Variants in CNBD1 observed in about 807,000 individuals in gnomAD.
CNBD1 encodes cyclic nucleotide-binding domain-containing protein 1.
In CNBD1, 71 loss-of-function variants were observed where a neutral mutation model predicts 54.4. The observed-to-expected ratio is 1.30, with a 90% confidence interval of 1.08 to 1.59. The LOEUF (loss-of-function observed/expected upper bound fraction) is 1.59. CNBD1 is among the 40% of genes most tolerant of loss of function. The pLI, the probability that CNBD1 is intolerant of heterozygous loss-of-function variation, is 0.00. For missense variants in CNBD1, 659 were observed against 518.0 expected (o/e 1.27, Z -2.64); for synonymous variants, 182 against 170.7 (o/e 1.07, Z -0.51).
intron 4 of CNBD1, among the ~76,000 whole-genome samples, chr8:86,990,763 T>C (rs1808726675): frequency 6.6e-6 from 1 of 152,208 alleles, no homozygotes; most frequent in Non-Finnish European, 1.5e-5. Flanking sequence ...TCACATTGAA[T>C]CTATAGATTG....
At chr8:86,952,557 A>T (rs184698171) in intron 4 of CNBD1, among the ~76,000 whole-genome samples, 9 of 152,136 alleles carry the variant, frequency 5.9e-5, no homozygotes, top group African/African-American at 1.9e-4. Flanking sequence ...AACAAATATC[A>T]AATGAAAAAG....
At chr8:87,367,135 C>T (rs1683806319) in intron 10 of CNBD1, among the ~76,000 whole-genome samples, 1 of 152,036 alleles carries the variant, frequency 6.6e-6, no homozygotes, top group Non-Finnish European at 1.5e-5. Flanking sequence ...ATGTGGCCTA[C>T]ATAGGAAAGT....
chr8:87,345,447 A>G (rs1810152924), intron 8 of CNBD1, among the ~76,000 whole-genome samples: 1 of 152,230 alleles, frequency 6.6e-6, no homozygotes, highest in South Asian at 2.1e-4. Context: ...AAGTCCCCCA[A>G]GTATCAGTCA....
chr8:87,328,612 T>C (rs1413261993), intron 8 of CNBD1, among the ~76,000 whole-genome samples: 1 of 152,036 alleles, frequency 6.6e-6, no homozygotes, highest in Non-Finnish European at 1.5e-5. Flanking sequence ...CATATCAATT[T>C]TAGGATTATT....
At position 87,357,420 on chromosome 8, in the gene CNBD1, G is replaced by A. The variant is rs180700712; in HGVS notation, c.1303+3634G>A. Among the ~76,000 whole-genome samples the A allele has an allele frequency of 1.1e-3, 174 of 152,266 alleles. 1 individual carries two copies. The highest frequency in any genetic ancestry group is 3.5e-4 in the Non-Finnish European group (24 of 68,004). On this transcript the variant is annotated intron_variant, in intron 10 of 10. Transcript: ENST00000518476. The stretch of plus-strand genomic sequence containing the variant: ...AAGGGTGGAGCTGCCCAAGGCCTTG[G>A]GAACCCATCCCTTGCACCAGTGTAC...
chr8:87,304,907 A>G (rs1325726012), intron 8 of CNBD1, among the ~76,000 whole-genome samples: 1 of 152,032 alleles, frequency 6.6e-6, no homozygotes, highest in Non-Finnish European at 1.5e-5. Flanking sequence ...GGAAATCCTT[A>G]TCAGAGCAAT....
chr8:87,067,983 T>C (rs949544544), intron 4 of CNBD1, among the ~76,000 whole-genome samples: 2 of 152,048 alleles, frequency 1.3e-5, no homozygotes, highest in African/African-American at 2.4e-5. Context: ...AAATAACTTA[T>C]ATTCTAAAAA....
chr8:87,388,508 G>A (rs1811238525), intron 2 of CNBD1, among the ~76,000 whole-genome samples: 1 of 152,126 alleles, frequency 6.6e-6, no homozygotes, highest in South Asian at 2.1e-4. Flanking sequence ...TAGAAGAAAT[G>A]GATAAATTCC....
intron 4 of CNBD1, among the ~76,000 whole-genome samples, chr8:86,944,035 A>T (rs150774674): frequency 1.1e-3 from 164 of 152,198 alleles, no homozygotes; most frequent in African/African-American, 3.7e-3. Context: ...TTTTATACCC[A>T]CCCTTGAATA....
intron 4 of CNBD1, among the ~76,000 whole-genome samples, chr8:87,038,917 C>G (rs1328984143): frequency 6.6e-6 from 1 of 152,126 alleles, no homozygotes. Context: ...TCAGTGATAC[C>G]CATTGCTGCC....
chr8:87,420,799 G>T (rs556404238), intron 2 of CNBD1, among the ~76,000 whole-genome samples: 2 of 150,018 alleles, frequency 1.3e-5, no homozygotes, highest in Middle Eastern at 6.8e-3. Context: ...ACAGTCGTTG[G>T]TATATTTATT....
chr8:86,964,429 C>A (rs1444473174), intron 4 of CNBD1, among the ~76,000 whole-genome samples: 8 of 152,192 alleles, frequency 5.3e-5, no homozygotes, highest in Non-Finnish European at 1.2e-4. Context: ...AATTCTCTGC[C>A]ACTTGCAGGG....
At chr8:86,895,253 GGT>G (rs59497760) in intron 2 of CNBD1, among the ~76,000 whole-genome samples, 44,589 of 144,334 alleles carry the variant, frequency 0.31, 6,742 homozygotes, top group East Asian at 0.42. Context: ...GTGTGTGCAT[GGT>G]GTGTGTGTGT....
At chr8:87,344,016 T>G (rs983599125) in intron 8 of CNBD1, among the ~76,000 whole-genome samples, 4 of 152,096 alleles carry the variant, frequency 2.6e-5, no homozygotes, top group Non-Finnish European at 5.9e-5. Context: ...ATTTGAGCAC[T>G]AGATAGTCAA....
chr8:87,137,970 G>A (rs1812292805), intron 4 of CNBD1, among the ~76,000 whole-genome samples: 1 of 152,012 alleles, frequency 6.6e-6, no homozygotes, highest in African/African-American at 2.4e-5. Context: ...GGGGAAAAAA[G>A]GAGAAGCATA....
chr8:87,109,684 G>C (rs1001791347), intron 4 of CNBD1, among the ~76,000 whole-genome samples: 4 of 151,418 alleles, frequency 2.6e-5, no homozygotes, highest in Admixed American at 2.0e-4. Context: ...GACTACAGGC[G>C]CCCGCCACCA....
intron 1 of CNBD1, among the ~76,000 whole-genome samples, chr8:86,873,051 C>T (rs981931171): frequency 7.9e-5 from 12 of 151,556 alleles, no homozygotes; most frequent in Non-Finnish European, 1.6e-4. Context: ...GCACTCCAGC[C>T]TGAGCAACAG....
At chr8:87,099,302 G>A (rs1239614730) in intron 4 of CNBD1, among the ~76,000 whole-genome samples, 1 of 152,122 alleles carries the variant, frequency 6.6e-6, no homozygotes, top group Admixed American at 6.6e-5. Flanking sequence ...GTCACCAGAG[G>A]CCTCTGTGGG....
intron 2 of CNBD1, among the ~76,000 whole-genome samples, chr8:86,889,180 G>A (rs1402234488): frequency 1.3e-5 from 2 of 152,078 alleles, no homozygotes; most frequent in African/African-American, 2.4e-5. Context: ...GTGTATATAG[G>A]TTTTGCATCA....
Sources: allele counts gnomAD v4.1 joint callset (sites outside exome capture counted in the v4.1 genomes callset), GRCh38; gene constraint gnomAD v4.1.1; transcripts MANE v1.5; gene names NCBI Gene and HGNC (gene_info 2026-07-23, HGNC 2026-07-21).